The following RXRA variants were observed in gnomAD, a reference collection of about 807,000 sequenced individuals.
RXRA encodes the protein retinoic acid receptor RXR-alpha.
A neutral mutation model predicts 44.5 loss-of-function variants in RXRA; 5 were observed. The observed-to-expected ratio is 0.11, with a 90% confidence interval of 0.06 to 0.24. The LOEUF is 0.24. Ranked by LOEUF, RXRA falls within the 10% of genes least tolerant of loss-of-function variation. The pLI is 1.00. For missense variants in RXRA, 412 were observed against 646.5 expected (o/e 0.64, Z 3.93); for synonymous variants, 291 against 271.4 (o/e 1.07, Z -0.71).
chr9:134,439,333 A>T lies in RXRA; in HGVS notation c.*2719A>T, dbSNP rs1239895093. 1 of 151,626 alleles carries T rather than the reference A, an allele frequency of 6.6e-6. No homozygotes were observed. The highest frequency in any genetic ancestry group is 1.5e-5 in the Non-Finnish European group (1 of 67,944). 9.4% of individuals were successfully genotyped at this position (151,626 alleles called of 1,614,324 possible). A position where few individuals can be genotyped will look rare whatever the true frequency, so the allele number is the denominator to read the frequency against. On this transcript the variant is annotated 3_prime_UTR_variant, in exon 10 of 10. Coordinates refer to ENST00000481739, the MANE Select transcript of RXRA (RefSeq NM_002957.6). ...CTTCAGGCACGCTCCTCAGCTGGTC[A>T]CCTCCCGGCTTTGCCGTTCAGATGG...
chr9:134,382,946 C>G (rs970620691), intron 1 of RXRA, among the ~76,000 whole-genome samples: 1 of 152,198 alleles, frequency 6.6e-6, no homozygotes, highest in African/African-American at 2.4e-5. Context: ...GCTGTCTGGA[C>G]AGGACCTGGT....
rs1408488280 is a variant in RXRA at position 134,433,636 on chromosome 9, C to T, written c.1136-466C>T. Among the ~76,000 whole-genome samples, 2 of 152,040 alleles carry T rather than the reference C, an allele frequency of 1.3e-5. No individual in the cohort carries two copies. The highest frequency in any genetic ancestry group is 2.9e-5 in the Non-Finnish European group (2 of 67,978). The stretch of plus-strand genomic sequence containing the variant: ...AGCCCGGGTCCTGAGCTCAGGACTC[C>T]GCAAGCACACCGAGGATGGGTTTCC... On this transcript the variant is annotated intron_variant, in intron 8 of 9. Transcript: ENST00000481739. The surrounding 1 kb of genome is among the most constrained non-coding windows in gnomAD (Gnocchi z 4.2).
intron 6 of RXRA, chr9:134,424,204 C>T: frequency 3.0e-6 from 3 of 985,436 alleles, no homozygotes; most frequent in Non-Finnish European, 3.6e-6. Context: ...GGTCTCCCTG[C>T]AGCTGTCAGG....
chr9:134,351,081 C>T (rs942135399), intron 1 of RXRA, among the ~76,000 whole-genome samples: 13 of 152,238 alleles, frequency 8.5e-5, no homozygotes, highest in African/African-American at 3.1e-4. Context: ...GTACAAACAC[C>T]GCATTGTGAG....
rs931872563 is a variant in RXRA, at chr9:134,362,659, C to T, written c.28+36000C>T. 1.3e-5 allele frequency among the ~76,000 whole-genome samples: 2 copies of T among 152,318 alleles called. 1 individual carries two copies. Among genetic ancestry groups the T allele is most frequent in the Non-Finnish European group, 2.9e-5 (2 of 68,020 alleles). On this transcript the variant is annotated intron_variant, in intron 1 of 9. Transcript: ENST00000481739. ...CTGGGCACGGGGCTGACGGTTAAGTCGTGGATTCCTTCACACCTACAGACA... is the reference window on the plus strand; with the variant it reads ...CTGGGCACGGGGCTGACGGTTAAGTTGTGGATTCCTTCACACCTACAGACA...
rs2119039876 is a variant in RXRA at position 134,349,020 on chromosome 9, T to C, written c.28+22361T>C. On this transcript the variant is annotated intron_variant, in intron 1 of 9. Coordinates refer to ENST00000481739, the MANE Select transcript of RXRA (RefSeq NM_002957.6). The surrounding 1 kb of genome is among the most constrained non-coding windows in gnomAD (Gnocchi z 4.3). ...CTGGCATATCCGAGACCCAGTTCTG[T>C]CACTTGCAGTGAAGGGCTGGTCCCC... 6.6e-6 allele frequency among the ~76,000 whole-genome samples: 1 copy of C among 152,246 alleles called. No individual in the cohort carries two copies.
chr9:134,396,035 C>T (rs934456657), intron 1 of RXRA, among the ~76,000 whole-genome samples: 1 of 152,170 alleles, frequency 6.6e-6, no homozygotes, highest in Admixed American at 6.5e-5. Flanking sequence ...TACGGAGAGC[C>T]CACCCCGCCG....
chr9:134,421,570 A>C, intron 5 of RXRA, 106 bp from the exon 6 acceptor site: 4 of 1,306,000 alleles, frequency 3.1e-6, no homozygotes, highest in Non-Finnish European at 4.2e-6. Context: ...GGCCGTATTC[A>C]GCGTCCTGCA....
At chr9:134,338,367 A>T (rs1003472120) in intron 1 of RXRA, among the ~76,000 whole-genome samples, 16 of 152,324 alleles carry the variant, frequency 1.1e-4, no homozygotes, top group Non-Finnish European at 1.9e-4. Context: ...TCCTCATGTC[A>T]GGGTGCCCCT....
chr9:134,389,017 C>T (rs1226723467), intron 1 of RXRA, among the ~76,000 whole-genome samples: 1 of 152,074 alleles, frequency 6.6e-6, no homozygotes, highest in Non-Finnish European at 1.5e-5. Flanking sequence ...CCAGGGTGGC[C>T]TCAGGCCTGT....
rs1484959595 is a variant in RXRA at position 134,366,708 on chromosome 9, C to T, written c.29-34924C>T. On this transcript the variant is annotated intron_variant, in intron 1 of 9. Coordinates refer to ENST00000481739, the MANE Select transcript of RXRA (RefSeq NM_002957.6). The surrounding 1 kb of genome is among the most constrained non-coding windows in gnomAD (Gnocchi z 5.9). ...TGATCTTCCTGCCTCAGAAGCTGAA[C>T]CCCGGGGACAGTGTTGGTCAGAAAA... Among the ~76,000 whole-genome samples, 2 of 152,194 alleles carry T rather than the reference C, an allele frequency of 1.3e-5. No individual in the cohort carries two copies. Among genetic ancestry groups the T allele is most frequent in the Non-Finnish European group, 2.9e-5 (2 of 68,026 alleles).
intron 5 of RXRA, 76 bp from the exon 6 acceptor site, chr9:134,421,600 G>T: frequency 6.7e-7 from 1 of 1,482,962 alleles, no homozygotes; most frequent in Non-Finnish European, 9.0e-7. Flanking sequence ...CGTGTGGCAG[G>T]GCCTGGTCTG....
At chr9:134,380,127 G>A in intron 1 of RXRA, 1 of 985,474 alleles carries the variant, frequency 1.0e-6, no homozygotes, top group Non-Finnish European at 1.2e-6. Context: ...GTGTGGCCTT[G>A]GCACTGCCAC....
chr9:134,380,390 G>C (rs1263468287), intron 1 of RXRA, among the ~76,000 whole-genome samples: 1 of 152,084 alleles, frequency 6.6e-6, no homozygotes, highest in African/African-American at 2.4e-5. Context: ...TCAGGGCTGG[G>C]GACTTCGCCT....
Position 134,377,316 on chromosome 9 carries a change from G to A in RXRA, c.29-24316G>A, listed in dbSNP as rs532547944. 3.6e-3 allele frequency among the ~76,000 whole-genome samples: 551 copies of A among 152,352 alleles called. 5 individuals carry two copies. Among genetic ancestry groups the A allele is most frequent in the African/African-American group, 0.013 (528 of 41,576 alleles). ...GGGCCACATGCTGTCCCACATGGAA[G>A]GCGATGGCGTTGTCCCCATCACTGC... On this transcript the variant is annotated intron_variant, in intron 1 of 9. Transcript: ENST00000481739.
intron 1 of RXRA, among the ~76,000 whole-genome samples, chr9:134,368,315 G>GGA: frequency 6.6e-6 from 1 of 152,234 alleles, no homozygotes; most frequent in African/African-American, 2.4e-5. Context: ...CAGTGGGCTT[G>GGA]AGGCCCCCTT....
intron 5 of RXRA, 91 bp from the exon 6 acceptor site, chr9:134,421,585 C>T: frequency 7.0e-7 from 1 of 1,422,104 alleles, no homozygotes; most frequent in Admixed American, 2.3e-5. Flanking sequence ...CCTGCATGGG[C>T]CCAGCGTGTG....
chr9:134,401,692 C>T lies in RXRA; in HGVS notation c.89C>T (p.Ala30Val), dbSNP rs774380837. Residue 30 changes from alanine (A) to valine (V), a missense_variant, in exon 2 of 10, where the codon GCC (alanine) becomes GTC (valine). Ala to Val is a moderately conservative substitution (Grantham distance 64, BLOSUM62 0). This residue lies in a region of RXRA where 156 missense variants were observed against 177.2 expected (regional missense o/e 0.88). Coordinates refer to ENST00000481739, the MANE Select transcript of RXRA (RefSeq NM_002957.6). Reference sequence around the variant, plus strand: ...CCGACGGGGCGAGGCTCCATGGCTGCCCCCTCGCTGCACCCGTCCCTGGGG... The same window carrying T: ...CCGACGGGGCGAGGCTCCATGGCTGTCCCCTCGCTGCACCCGTCCCTGGGG... ...TSPTGRGSMAAPSLHPSLGPG... is the reference protein window; with the variant it reads ...TSPTGRGSMAVPSLHPSLGPG... The T allele has an allele frequency of 1.2e-6, 2 of 1,612,980 alleles. No homozygotes were observed. Among genetic ancestry groups the T allele is most frequent in the African/African-American group, 2.7e-5 (2 of 74,914 alleles).
At chr9:134,331,106 C>T (rs782055598) in intron 1 of RXRA, among the ~76,000 whole-genome samples, 2 of 152,294 alleles carry the variant, frequency 1.3e-5, no homozygotes, top group Middle Eastern at 3.4e-3. Flanking sequence ...ATAGGCCTGC[C>T]ACAGGAGAGC....
Sources: allele counts gnomAD v4.1 joint callset (sites outside exome capture counted in the v4.1 genomes callset), GRCh38; gene constraint gnomAD v4.1.1; regional missense constraint gnomAD v4.1.1; non-coding constraint Gnocchi (gnomAD v3.1); transcripts MANE v1.5; gene names NCBI Gene and HGNC (gene_info 2026-07-23, HGNC 2026-07-21).